C1GALT1: variants seen among roughly 807,000 people sequenced by gnomAD.
The protein encoded by C1GALT1 is core 1 synthase, glycoprotein-N-acetylgalactosamine 3-beta-galactosyltransferase 1, also known as glycoprotein-N-acetylgalactosamine 3-beta-galactosyltransferase 1.
A neutral mutation model predicts 31.0 loss-of-function variants in C1GALT1; 11 were observed. The observed-to-expected ratio is 0.36, with a 90% confidence interval of 0.22 to 0.59. C1GALT1 has a LOEUF of 0.59. Among genes scored for constraint, C1GALT1 ranks in the 20% least tolerant of loss-of-function variants. The probability of loss-of-function intolerance (pLI) is 0.79; values close to 1 mark genes in which losing one functional copy is unlikely to be tolerated. For synonymous variants in C1GALT1, 175 were observed against 143.6 expected (o/e 1.22, Z -1.56); for missense variants, 424 against 425.2 (o/e 1.00, Z 0.03).
intron 1 of C1GALT1, among the ~76,000 whole-genome samples, chr7:7,229,994 A>T (rs976565229): frequency 3.3e-5 from 5 of 152,298 alleles, no homozygotes; most frequent in African/African-American, 1.2e-4. Flanking sequence ...GTTAATTTAC[A>T]TCTCAAGATA....
chr7:7,185,168 A>C (rs1780757391), intron 1 of C1GALT1, among the ~76,000 whole-genome samples: 1 of 152,212 alleles, frequency 6.6e-6, no homozygotes, highest in African/African-American at 2.4e-5. Context: ...CTGAAAGGAA[A>C]GTCTAAATAA....
chr7:7,183,311 C>T (rs973380853), intron 1 of C1GALT1, among the ~76,000 whole-genome samples: 82 of 152,158 alleles, frequency 5.4e-4, no homozygotes, highest in African/African-American at 1.9e-3. Context: ...GGGAGCCACT[C>T]GGCTGCCGCG....
chr7:7,183,505 T>C (rs1398691303), intron 1 of C1GALT1: 2 of 866,582 alleles, frequency 2.3e-6, no homozygotes, highest in African/African-American at 3.7e-5. Flanking sequence ...CATTAAATTT[T>C]TTTTTTTTGC....
At chr7:7,183,951 C>T (rs932511865) in intron 1 of C1GALT1, among the ~76,000 whole-genome samples, 1 of 152,138 alleles carries the variant, frequency 6.6e-6, no homozygotes, top group African/African-American at 2.4e-5. Flanking sequence ...AAAAGTTGGG[C>T]ATAGAACATA....
At chr7:7,167,970 A>G (rs1243491754) in intron 2 of C1GALT1, among the ~76,000 whole-genome samples, 1 of 152,194 alleles carries the variant, frequency 6.6e-6, no homozygotes, top group Admixed American at 6.5e-5. Context: ...TCTTTCAAAG[A>G]AAGACACTGT....
At chr7:7,221,963 C>T (rs755961228) in intron 1 of C1GALT1, among the ~76,000 whole-genome samples, 12 of 152,174 alleles carry the variant, frequency 7.9e-5, no homozygotes, top group Non-Finnish European at 1.8e-4. Flanking sequence ...GTGTGACCTA[C>T]GTTAACACCA....
chr7:7,173,125 C>G (rs1052758462), intron 2 of C1GALT1, among the ~76,000 whole-genome samples: 1 of 152,028 alleles, frequency 6.6e-6, no homozygotes, highest in Admixed American at 6.6e-5. Flanking sequence ...GGAGGTGGGA[C>G]CTGGTGGGAG....
intron 1 of C1GALT1, among the ~76,000 whole-genome samples, chr7:7,231,182 G>A (rs1302438598): frequency 2.6e-5 from 4 of 152,142 alleles, no homozygotes; most frequent in South Asian, 4.1e-4. Flanking sequence ...ATAGTTCACT[G>A]CAGTCTTGAT....
intron 1 of C1GALT1, among the ~76,000 whole-genome samples, chr7:7,198,465 A>G (rs11771192): frequency 0.21 from 31,946 of 152,054 alleles, 4,226 homozygotes; most frequent in East Asian, 0.37. Context: ...TCACATCCAT[A>G]TTCATCAGGG....
At chr7:7,224,925 A>G (rs1411491905) in intron 1 of C1GALT1, among the ~76,000 whole-genome samples, 1 of 152,108 alleles carries the variant, frequency 6.6e-6, no homozygotes. Flanking sequence ...AGCATAGTGT[A>G]TTTAACCAAT....
intron 1 of C1GALT1, among the ~76,000 whole-genome samples, chr7:7,192,601 G>A (rs1562564087): frequency 6.6e-6 from 1 of 152,026 alleles, no homozygotes; most frequent in Non-Finnish European, 1.5e-5. Flanking sequence ...GTTACAAATT[G>A]TGTTGCTATA....
At chr7:7,205,463 T>G (rs1198074819) in intron 1 of C1GALT1, among the ~76,000 whole-genome samples, 1 of 152,188 alleles carries the variant, frequency 6.6e-6, no homozygotes, top group Non-Finnish European at 1.5e-5. Flanking sequence ...TGGAAGTAGA[T>G]AATCATGAAT....
intron 2 of C1GALT1, among the ~76,000 whole-genome samples, chr7:7,177,522 A>G (rs1223726003): frequency 1.3e-5 from 2 of 152,120 alleles, no homozygotes; most frequent in African/African-American, 4.8e-5. Context: ...CCACAGTTAC[A>G]AATTAATTCA....
At chr7:7,165,277 G>T (rs1780379662) in intron 2 of C1GALT1, among the ~76,000 whole-genome samples, 1 of 152,128 alleles carries the variant, frequency 6.6e-6, no homozygotes, top group Non-Finnish European at 1.5e-5. Flanking sequence ...ACTAAATAAA[G>T]CCCCTTTACT....
At chr7:7,168,512 C>T (rs934225114) in intron 2 of C1GALT1, among the ~76,000 whole-genome samples, 2 of 152,220 alleles carry the variant, frequency 1.3e-5, no homozygotes, top group Non-Finnish European at 2.9e-5. Flanking sequence ...GCTGAGACAA[C>T]AAACCTAATA....
At position 7,242,672 on chromosome 7, in the gene C1GALT1, T is replaced by C. The variant is rs75076029; in HGVS notation, c.889-852T>C. Among the ~76,000 whole-genome samples the C allele has an allele frequency of 5.0e-3, 754 of 152,150 alleles. 45 individuals carry two copies. The East Asian group carries it at 0.13, about 27-fold the overall frequency. On this transcript the variant is annotated intron_variant, in intron 3 of 3. Coordinates refer to ENST00000436587, the MANE Select transcript of C1GALT1 (RefSeq NM_020156.5). The stretch of plus-strand genomic sequence containing the variant: ...TGACTGCTTAATTCATCTCTTTTTC[T>C]GTCTTCTTAATTTTCTTGCTTTCTT...
chr7:7,173,355 G>A (rs944327413), intron 2 of C1GALT1, among the ~76,000 whole-genome samples: 2 of 151,924 alleles, frequency 1.3e-5, no homozygotes, highest in African/African-American at 2.4e-5. Flanking sequence ...AAGCCAAGCA[G>A]AAGCCAGCAT....
intron 1 of C1GALT1, 171 bp from the exon 2 acceptor site, chr7:7,234,132 A>G (rs1783222472): frequency 1.7e-6 from 1 of 601,092 alleles, no homozygotes; most frequent in Non-Finnish European, 2.9e-6. Context: ...GGTTTTATGG[A>G]TTTTCCATAA....
intron 2 of C1GALT1, among the ~76,000 whole-genome samples, chr7:7,158,650 T>C (rs1185005108): frequency 6.6e-6 from 1 of 151,150 alleles, no homozygotes; most frequent in Non-Finnish European, 1.5e-5. Flanking sequence ...TATTTATATA[T>C]GTATGCATGT....
Sources: allele counts gnomAD v4.1 joint callset (sites outside exome capture counted in the v4.1 genomes callset), GRCh38; gene constraint gnomAD v4.1.1; transcripts MANE v1.5; gene names NCBI Gene and HGNC (gene_info 2026-07-23, HGNC 2026-07-21).